CNOT4: variants seen among roughly 807,000 people sequenced by gnomAD.
CNOT4 encodes the protein CCR4-NOT transcription complex subunit 4.
Under a neutral mutation model 73.8 loss-of-function variants are expected in CNOT4, and 8 were observed. The observed-to-expected ratio is 0.11, with a 90% CI of 0.06 to 0.20. The LOEUF (loss-of-function observed/expected upper bound fraction) is 0.20. CNOT4 is among the 10% of genes least tolerant of loss of function. The pLI is 1.00. For missense variants in CNOT4, 564 were observed against 883.4 expected (o/e 0.64, Z 4.58); for synonymous variants, 293 against 321.1 (o/e 0.91, Z 0.94).
In CNOT4 at chr7:135,362,927, G is replaced by T; in HGVS notation, c.2100C>A (p.Thr700=). The change falls in exon 12 of 12, where the codon ACC becomes ACA. Residue 700 remains threonine (T), a synonymous_variant. Transcript: ENST00000541284. ...TTGAACTCTGTAGTAAATCTGTGGG[G>T]GTTTTGCTGGGGGGTCTGAAGGCTG... is the stretch of plus-strand genomic sequence containing the variant. The part of the protein sequence containing the change: ...FQTAFRPPSK[T]PTDLLQSSTL... 2 of 1,613,684 alleles carry T rather than the reference G, an allele frequency of 1.2e-6. No homozygotes were observed. The highest frequency in any genetic ancestry group is 2.2e-5 in the East Asian group (1 of 44,858).
chr7:135,508,300 TTAGTCAG>T (rs1300612016), intron 1 of CNOT4, among the ~76,000 whole-genome samples: 4 of 152,214 alleles, frequency 2.6e-5, no homozygotes, highest in African/African-American at 4.8e-5. Context: ...CATTTTACCA[TTAGTCAG>T]TACATCTTAA....
rs3138785 is a variant in CNOT4, at chr7:135,424,040, AACACACACACACACACACACAC to A, written c.175-1709_175-1688del. 3.3e-4 allele frequency among the ~76,000 whole-genome samples: 48 copies of A among 144,302 alleles called. 1 individual carries two copies. Among genetic ancestry groups the A allele is most frequent in the East Asian group, 1.4e-3 (7 of 4,940 alleles). 94.7% of individuals were successfully genotyped at this position (144,302 alleles called of 152,430 possible). ...GCCACCAAAACAAACAAACAAACAA[AACACACACACACACACACACAC>A]ACACACACACACACACACACACACA... On this transcript the variant is annotated intron_variant, in intron 2 of 11. Transcript: ENST00000541284.
rs1488078159 is a variant in CNOT4 at position 135,394,176 on chromosome 7, C to A, written c.1369G>T (p.Ala457Ser). 2 of 1,614,040 alleles carry A rather than the reference C, an allele frequency of 1.2e-6. No individual in the cohort carries two copies. The highest frequency in any genetic ancestry group is 8.5e-7 in the Non-Finnish European group (1 of 1,180,016). The stretch of plus-strand genomic sequence containing the variant: ...AGAGAATTGGCATTTGTAGCTGCAG[C>A]AGGATGCAGGAATCCAGAGCCTGGA... Reference protein sequence around the residue: ...KGPGSGFLHPAAATNANSLNS... With the variant: ...KGPGSGFLHPSAATNANSLNS... Residue 457 changes from alanine (A) to serine (S), a missense_variant, in exon 10 of 12, where the codon GCT (alanine) becomes TCT (serine). By Grantham distance (99) the Ala-to-Ser change is moderately conservative. Coordinates refer to ENST00000541284, the MANE Select transcript of CNOT4 (RefSeq NM_001190850.2).
intron 10 of CNOT4, among the ~76,000 whole-genome samples, chr7:135,371,075 A>G (rs542753580): frequency 7.9e-5 from 12 of 152,324 alleles, no homozygotes; most frequent in African/African-American, 2.9e-4. Flanking sequence ...TTCACTCACT[A>G]TGCACTTTAT....
Position 135,446,852 on chromosome 7 carries a change from GA to G in CNOT4, c.-92-8430del, listed in dbSNP as rs1041032324. Among the ~76,000 whole-genome samples, 31 of 149,314 alleles carry G rather than the reference GA, an allele frequency of 2.1e-4. 1 individual carries two copies. Among genetic ancestry groups the G allele is most frequent in the Middle Eastern group, 3.4e-3 (1 of 290 alleles). On this transcript the variant is annotated intron_variant, in intron 1 of 11. Coordinates refer to ENST00000541284, the MANE Select transcript of CNOT4 (RefSeq NM_001190850.2). ...GTGAAAAAGATTAAAAAAAGAAAAA[GA>G]AAAAAAAAGTTTCCATAAAAACCAT...
intron 2 of CNOT4, among the ~76,000 whole-genome samples, chr7:135,437,875 T>C (rs921655227): frequency 6.6e-6 from 1 of 152,178 alleles, no homozygotes; most frequent in Non-Finnish European, 1.5e-5. Flanking sequence ...TAAGCATCCC[T>C]GACCATGTCT....
In CNOT4 at chr7:135,364,049, C is replaced by G; in HGVS notation, c.1645G>C (p.Glu549Gln). 1 of 1,594,956 alleles carries G rather than the reference C, an allele frequency of 6.3e-7. No individual in the cohort carries two copies. The highest frequency in any genetic ancestry group is 1.1e-5 in the South Asian group (1 of 90,696). ...IPVADNSSSV[E>Q]SLNMKEWQDG... ...TGCCATTCCTTCATATTTAAACTCT[C>G]TACAGAACTGCTGTTGTCTGGGAGA... The change falls in exon 11 of 12, where the codon GAG (glutamate) becomes CAG (glutamine). Residue 549 changes from glutamate to glutamine, a missense_variant. This residue lies in a region of CNOT4 where 153 missense variants were observed against 158.7 expected (regional missense o/e 0.96). Coordinates refer to ENST00000541284, the MANE Select transcript of CNOT4 (RefSeq NM_001190850.2). This position sits in a 1 kb window ranked among gnomAD's most constrained non-coding sequence, Gnocchi z 4.3.
At chr7:135,406,476 A>G (rs956825437) in intron 7 of CNOT4, among the ~76,000 whole-genome samples, 18 of 151,722 alleles carry the variant, frequency 1.2e-4, no homozygotes, top group Non-Finnish European at 2.1e-4. Context: ...CCTGGGCAAC[A>G]TGGTGAAACG....
intron 10 of CNOT4, among the ~76,000 whole-genome samples, chr7:135,367,826 T>C (rs1794996747): frequency 6.6e-6 from 1 of 152,158 alleles, no homozygotes; most frequent in Non-Finnish European, 1.5e-5. Context: ...AAGCAAAGTA[T>C]AATAAAAATC....
chr7:135,476,639 G>A (rs1193675149), intron 1 of CNOT4, among the ~76,000 whole-genome samples: 1 of 152,172 alleles, frequency 6.6e-6, no homozygotes, highest in East Asian at 1.9e-4. Flanking sequence ...TTGTGCCACT[G>A]CACTCCAGCC....
At chr7:135,414,891 T>C (rs1041796837) in intron 4 of CNOT4, among the ~76,000 whole-genome samples, 7 of 152,078 alleles carry the variant, frequency 4.6e-5, no homozygotes, top group Non-Finnish European at 1.0e-4. Flanking sequence ...GAAATCACTA[T>C]CGAATCCTCA....
chr7:135,493,952 T>C (rs921655280), intron 1 of CNOT4, among the ~76,000 whole-genome samples: 1 of 151,876 alleles, frequency 6.6e-6, no homozygotes, highest in Non-Finnish European at 1.5e-5. Context: ...TTTCATTAGC[T>C]AATCAAATGT....
At chr7:135,466,852 G>C (rs1011732717) in intron 1 of CNOT4, among the ~76,000 whole-genome samples, 2 of 152,174 alleles carry the variant, frequency 1.3e-5, no homozygotes, top group Non-Finnish European at 2.9e-5. Flanking sequence ...TTGTAGCCTA[G>C]GAGCATAGAC....
intron 10 of CNOT4, chr7:135,388,260 T>G: frequency 1.0e-6 from 1 of 985,284 alleles, no homozygotes; most frequent in Non-Finnish European, 1.2e-6. Context: ...TATTATAGGA[T>G]ATAAATCTAG....
In CNOT4 at chr7:135,372,562, T is replaced by G. The variant is rs7789700; in HGVS notation, c.1628-8496A>C. Among the ~76,000 whole-genome samples the G allele has an allele frequency of 1.4e-3, 209 of 151,810 alleles. 4 individuals carry two copies. Among genetic ancestry groups the G allele is most frequent in the African/African-American group, 4.6e-3 (190 of 41,396 alleles). On this transcript the variant is annotated intron_variant, in intron 10 of 11. Transcript: ENST00000541284. ...CTGAACGTTTGCTACCATGTTTTTT[T>G]TTTTTTTTTTTGGAGACGGAGTCTC...
chr7:135,436,539 T>G (rs1799166715), intron 2 of CNOT4, among the ~76,000 whole-genome samples: 1 of 151,806 alleles, frequency 6.6e-6, no homozygotes, highest in African/African-American at 2.4e-5. Flanking sequence ...AAACAAAAAT[T>G]TATATAGATT....
chr7:135,424,040 A>AACACACACAC (rs3138785), intron 2 of CNOT4, among the ~76,000 whole-genome samples: 4 of 144,192 alleles, frequency 2.8e-5, no homozygotes, highest in Admixed American at 7.0e-5. Context: ...AAACAAACAA[A>AACACACACAC]ACACACACAC....
intron 2 of CNOT4, among the ~76,000 whole-genome samples, chr7:135,425,810 C>CA (rs1036108305): frequency 6.6e-6 from 1 of 152,042 alleles, no homozygotes; most frequent in Non-Finnish European, 1.5e-5. Flanking sequence ...GCATGTATTC[C>CA]AAAAAAGTTC....
chr7:135,442,956 G>C (rs1370273684), intron 1 of CNOT4, among the ~76,000 whole-genome samples: 5 of 152,066 alleles, frequency 3.3e-5, no homozygotes, highest in Non-Finnish European at 5.9e-5. Context: ...CTACTTGGGA[G>C]ACTGAGGCAG....
Sources: gnomAD v4.1 joint callset for allele counts (sites outside exome capture counted in the v4.1 genomes callset) on GRCh38, gnomAD v4.1.1 for gene constraint, gnomAD v4.1.1 regional missense constraint, Gnocchi (gnomAD v3.1) non-coding constraint, MANE v1.5 for transcripts, NCBI Gene and HGNC (gene_info 2026-07-23, HGNC 2026-07-21) for gene names.